NTMT1: variants seen among roughly 807,000 people sequenced by gnomAD.
NTMT1 encodes the protein N-terminal RCC1 methyltransferase.
Under a neutral mutation model 17.5 loss-of-function variants are expected in NTMT1, and 8 were observed. The observed-to-expected ratio is 0.46, with a 90% CI of 0.27 to 0.82. NTMT1 has a LOEUF of 0.82. Among genes scored for constraint, NTMT1 ranks in the 40% least tolerant of loss-of-function variants. NTMT1 has a pLI of 0.15. For synonymous variants in NTMT1, 128 were observed against 126.8 expected (o/e 1.01, Z -0.06); for missense variants, 221 against 303.5 (o/e 0.73, Z 2.02).
chr9:129,631,938 C>T (rs574690345), intron 1 of NTMT1, among the ~76,000 whole-genome samples: 3 of 152,138 alleles, frequency 2.0e-5, no homozygotes, highest in Non-Finnish European at 2.9e-5. Context: ...GTTCACAGCC[C>T]GGTGCCTGGC....
At chr9:129,619,788 C>T (rs748825749) in intron 1 of NTMT1, 1 of 1,614,108 alleles carries the variant, frequency 6.2e-7, no homozygotes, top group South Asian at 1.1e-5. Context: ...AGACCCTGGG[C>T]AGTGCTCTAA....
chr9:129,635,542 CGCTG>C lies in NTMT1; in HGVS notation c.*81_*84del. 1 of 1,507,524 alleles carries C rather than the reference CGCTG, an allele frequency of 6.6e-7. No homozygotes were observed. The highest frequency in any genetic ancestry group is 9.0e-7 in the Non-Finnish European group (1 of 1,115,002). 93.4% of individuals were successfully genotyped at this position (1,507,524 alleles called of 1,614,324 possible). A position where few individuals can be genotyped will look rare whatever the true frequency, so the allele number is the denominator to read the frequency against. On this transcript the variant is annotated 3_prime_UTR_variant, in exon 4 of 4. Transcript: ENST00000372483. Reference sequence around the variant, plus strand: ...GCAGCTGGGCAAGATCCAGGCGCCACGCTGGCGGTTCGTGAGTGTCGAGGCACCA... The same window carrying C: ...GCAGCTGGGCAAGATCCAGGCGCCACGCGGTTCGTGAGTGTCGAGGCACCA...
chr9:129,635,180 C>T (rs759624504), intron 3 of NTMT1, 28 bp from the exon 4 acceptor site: 9 of 1,594,624 alleles, frequency 5.6e-6, no homozygotes, highest in Non-Finnish European at 7.7e-6. Context: ...GCATGGTGCC[C>T]TGGTAACCTT....
Position 129,613,262 on chromosome 9 carries a change from C to G in NTMT1, c.-55+4084C>G, listed in dbSNP as rs1328578317. On this transcript the variant is annotated intron_variant, in intron 1 of 3. Coordinates refer to the NTMT1 transcript ENST00000372486. The surrounding 1 kb of genome is among the most constrained non-coding windows in gnomAD (Gnocchi z 6.2). ...GTCTTCTGGGTGGACCTGGGGGAGA[C>G]AGGACCCCATGAGCTTCCTGGACTC... The G allele has an allele frequency of 3.1e-6, 5 of 1,595,396 alleles. No individual in the cohort carries two copies. Among genetic ancestry groups the G allele is most frequent in the Non-Finnish European group, 4.3e-6 (5 of 1,168,916 alleles).
At chr9:129,635,002 T>C (rs1831444957) in intron 3 of NTMT1, 1 of 610,040 alleles carries the variant, frequency 1.6e-6, no homozygotes, top group African/African-American at 1.9e-5. Context: ...TAATGTGTCT[T>C]TAGGTAGATG....
upstream of NTMT1, among the ~76,000 whole-genome samples, chr9:129,623,949 AC>A (rs1274680731): frequency 6.8e-6 from 1 of 146,300 alleles, no homozygotes; most frequent in Non-Finnish European, 1.5e-5. Flanking sequence ...GCCCACCACC[AC>A]GCCCGGCTAA....
chr9:129,633,877 C>CA (rs1419089113), intron 2 of NTMT1, among the ~76,000 whole-genome samples, 177 bp from the exon 3 acceptor site: 1 of 152,178 alleles, frequency 6.6e-6, no homozygotes, highest in African/African-American at 2.4e-5. Context: ...TGTGTCCTCC[C>CA]ATGCTCATCC....
rs1017119898 is a variant in NTMT1 at position 129,611,628 on chromosome 9, G to A, written c.-55+2450G>A. Among the ~76,000 whole-genome samples the A allele has an allele frequency of 1.4e-4, 21 of 151,130 alleles. 1 individual carries two copies. The highest frequency in any genetic ancestry group is 5.0e-4 in the African/African-American group (20 of 40,392). On this transcript the variant is annotated intron_variant, in intron 1 of 3. Transcript: ENST00000372486. ...GATGGAGGCTTGGTGGGGGAGGACA[G>A]AGGCTTGGGGTGGGGGTTCTCCACC... is the stretch of plus-strand genomic sequence containing the variant.
rs975184925 is a variant in NTMT1, at chr9:129,617,687, G to T, written c.-55+8509G>T. Among the ~76,000 whole-genome samples, 24 of 151,916 alleles carry T rather than the reference G, an allele frequency of 1.6e-4. No individual in the cohort carries two copies. In the East Asian group the frequency reaches 3.3e-3, roughly 21 times the overall value. The stretch of plus-strand genomic sequence containing the variant: ...TAAATGTGTTTCACTGTTTTTGTTT[G>T]TTTGTTTGTTTTTTGAGACAGGGTC... On this transcript the variant is annotated intron_variant, in intron 1 of 3. Transcript: ENST00000372486.
chr9:129,615,664 G>C (rs765852587), intron 1 of NTMT1: 2 of 1,519,084 alleles, frequency 1.3e-6, no homozygotes, highest in Non-Finnish European at 1.8e-6. Flanking sequence ...GAGGGGAGAG[G>C]GGCCTGTGCT....
chr9:129,620,254 C>G lies in NTMT1; in HGVS notation c.-55+11076C>G. On this transcript the variant is annotated intron_variant, in intron 1 of 3. Coordinates refer to the NTMT1 transcript ENST00000372486. This position sits in a 1 kb window ranked among gnomAD's most constrained non-coding sequence, Gnocchi z 5.8. ...GCGCCGATTCCCGGGACGCGCCGGCCGACAGCAGGGGAGGCGGCAGCAGGG... is the reference window on the plus strand; with the variant it reads ...GCGCCGATTCCCGGGACGCGCCGGCGGACAGCAGGGGAGGCGGCAGCAGGG... 1 of 1,337,158 alleles carries G rather than the reference C, an allele frequency of 7.5e-7. No individual in the cohort carries two copies. The highest frequency in any genetic ancestry group is 9.6e-7 in the Non-Finnish European group (1 of 1,038,422). The allele number at this position is 1,337,158 out of a possible 1,614,324, so 82.8% of individuals were successfully genotyped here.
intron 1 of NTMT1, chr9:129,619,694 C>T (rs367658570): frequency 4.3e-5 from 69 of 1,612,550 alleles, no homozygotes; most frequent in Admixed American, 1.0e-4. Context: ...GCCCTGGAAA[C>T]ATCGATGGCA....
chr9:129,617,791 C>T (rs1830468370), intron 1 of NTMT1, among the ~76,000 whole-genome samples: 1 of 152,176 alleles, frequency 6.6e-6, no homozygotes, highest in African/African-American at 2.4e-5. Context: ...TCAAGCAATC[C>T]TCCCACCTCA....
exon 1 of NTMT1, chr9:129,608,977 G>A (rs968626945): frequency 2.6e-5 from 4 of 152,334 alleles, no homozygotes; most frequent in Non-Finnish European, 5.9e-5. Flanking sequence ...GGTGCTGAGT[G>A]CGAATGCCCA....
intron 1 of NTMT1, among the ~76,000 whole-genome samples, chr9:129,610,107 T>TGCGGGGAGGGAGTGGACAGC (rs1382801898): frequency 6.8e-6 from 1 of 147,368 alleles, no homozygotes; most frequent in Non-Finnish European, 1.5e-5. Flanking sequence ...ATCTGTGGTC[T>TGCGGGGAGGGAGTGGACAGC]GCGGGGAGGG....
At chr9:129,615,634 CA>C in intron 1 of NTMT1, 2 of 1,571,730 alleles carry the variant, frequency 1.3e-6, no homozygotes, top group Non-Finnish European at 1.7e-6. Context: ...GGGACCTGTG[CA>C]CCGTGGGGCC....
intron 1 of NTMT1, among the ~76,000 whole-genome samples, chr9:129,616,924 A>T (rs1830418169): frequency 6.6e-6 from 1 of 152,178 alleles, no homozygotes. Flanking sequence ...ATACAAAAAA[A>T]TTAGCTGGGC....
rs367589276 is a variant in NTMT1 at position 129,620,014 on chromosome 9, AC to A, written c.-55+10842del. On this transcript the variant is annotated intron_variant, in intron 1 of 3. Transcript: ENST00000372486. This position sits in a 1 kb window ranked among gnomAD's most constrained non-coding sequence, Gnocchi z 5.8. ...GGTGGGTGCGGGGACACAAGGGACC[AC>A]CCCCCACCGGAAATGACTCGGGCCC... The A allele has an allele frequency of 3.2e-4, 464 of 1,448,634 alleles. 1 individual carries two copies. In the East Asian group the frequency reaches 5.2e-3, roughly 16 times the overall value. The allele number at this position is 1,448,634 out of a possible 1,614,324, so 89.7% of individuals were successfully genotyped here. A position where few individuals can be genotyped will look rare whatever the true frequency, so the allele number is the denominator to read the frequency against.
At chr9:129,634,974 T>G (rs1399452684) in intron 3 of NTMT1, 4 of 553,046 alleles carry the variant, frequency 7.2e-6, no homozygotes, top group African/African-American at 5.7e-5. Context: ...AGCCATCCCG[T>G]CAAGTCAAAT....
Sources: gnomAD v4.1 joint callset for allele counts (sites outside exome capture counted in the v4.1 genomes callset) on GRCh38, gnomAD v4.1.1 for gene constraint, Gnocchi (gnomAD v3.1) non-coding constraint, MANE v1.5 for transcripts, NCBI Gene and HGNC (gene_info 2026-07-23, HGNC 2026-07-21) for gene names.